The following ADGRA1 variants were observed in gnomAD, a reference collection of about 807,000 sequenced individuals.
ADGRA1 encodes adhesion G protein-coupled receptor A1, also known as G-protein coupled receptor 123.
A neutral mutation model predicts 21.3 loss-of-function variants in ADGRA1; 12 were observed. The ratio of observed to expected loss-of-function variants is 0.56; its 90% confidence interval spans 0.36 to 0.91. The LOEUF (loss-of-function observed/expected upper bound fraction) is 0.91, where lower values mean the gene tolerates loss of function less well. Among genes scored for constraint, ADGRA1 ranks in the 40% least tolerant of loss-of-function variants. The pLI is 0.01. For synonymous variants in ADGRA1, 385 were observed against 368.8 expected, an observed-to-expected ratio of 1.04 and a Z score of -0.50; for missense variants, 790 against 805.6, an observed-to-expected ratio of 0.98 and a Z score of 0.23.
At chr10:133,120,131 C>T (rs112315548) in intron 5 of ADGRA1, among the ~76,000 whole-genome samples, 2 of 152,286 alleles carry the variant, frequency 1.3e-5, no homozygotes, top group African/African-American at 4.8e-5. Context: ...AGGCCAAGCG[C>T]GGTGGCTCAT....
intron 2 of ADGRA1, among the ~76,000 whole-genome samples, chr10:133,094,375 G>C (rs746001835): frequency 6.6e-6 from 1 of 152,218 alleles, no homozygotes; most frequent in Non-Finnish European, 1.5e-5. Context: ...GGGACAGGAC[G>C]CGGCTCGCAG....
intron 2 of ADGRA1, among the ~76,000 whole-genome samples, chr10:133,094,346 C>A (rs1181354982): frequency 6.6e-6 from 1 of 152,232 alleles, no homozygotes; most frequent in African/African-American, 2.4e-5. Flanking sequence ...CTCCTTCTGG[C>A]CCTGAGGATG....
At chr10:133,124,893 C>T (rs1384518737) in intron 5 of ADGRA1, among the ~76,000 whole-genome samples, 14 of 152,336 alleles carry the variant, frequency 9.2e-5, no homozygotes, top group African/African-American at 2.9e-4. Context: ...TGCCCAGCGG[C>T]GGCGGCGAGA....
intron 5 of ADGRA1, among the ~76,000 whole-genome samples, chr10:133,110,173 G>A (rs1010810736): frequency 6.6e-6 from 1 of 152,220 alleles, no homozygotes; most frequent in Non-Finnish European, 1.5e-5. Flanking sequence ...GACGGCAGGT[G>A]GGGAGGATCC....
chr10:133,125,719 G>A (rs780685855), intron 5 of ADGRA1, among the ~76,000 whole-genome samples: 9 of 152,126 alleles, frequency 5.9e-5, no homozygotes, highest in African/African-American at 9.7e-5. Flanking sequence ...GTGAGCCACC[G>A]TGCCCTGCCT....
chr10:133,100,334 G>A (rs1208507685), intron 4 of ADGRA1, among the ~76,000 whole-genome samples: 3 of 152,272 alleles, frequency 2.0e-5, no homozygotes, highest in Non-Finnish European at 4.4e-5. Context: ...CGTCCCGCCT[G>A]TAAGTGCCTG....
rs78838896 is a variant in ADGRA1, at chr10:133,106,386, C to G, written c.401+3544C>G. On this transcript the variant is annotated intron_variant, in intron 5 of 6. Transcript: ENST00000392607. ...CACGCAGGCTCCAGCTCCTGGGAAC[C>G]CTTAGAGACCCTTTTCCAGGCCCAA... is the stretch of plus-strand genomic sequence containing the variant. Among the ~76,000 whole-genome samples the G allele has an allele frequency of 5.8e-4, 89 of 152,360 alleles. 1 individual carries two copies. The highest frequency in any genetic ancestry group is 1.8e-3 in the African/African-American group (76 of 41,578).
At chr10:133,106,209 A>AG (rs1009590091) in intron 5 of ADGRA1, among the ~76,000 whole-genome samples, 1 of 151,740 alleles carries the variant, frequency 6.6e-6, no homozygotes, top group African/African-American at 2.4e-5. Flanking sequence ...CTGGAGCCTG[A>AG]GGGGGGCGCT....
intron 5 of ADGRA1, among the ~76,000 whole-genome samples, chr10:133,123,034 G>C (rs531154689): frequency 6.6e-6 from 1 of 152,188 alleles, no homozygotes; most frequent in Non-Finnish European, 1.5e-5. Context: ...CGCTTCTGGC[G>C]AGACCACGGG....
At chr10:133,092,761 GGAA>G (rs1851617705) in intron 2 of ADGRA1, among the ~76,000 whole-genome samples, 3 of 135,240 alleles carry the variant, frequency 2.2e-5, no homozygotes, top group African/African-American at 8.6e-5. Context: ...GAGGAAGGAA[GGAA>G]GGAAGGAAGG....
chr10:133,093,321 C>T (rs1391516828), intron 2 of ADGRA1: 14 of 1,521,550 alleles, frequency 9.2e-6, no homozygotes, highest in African/African-American at 1.4e-5. Context: ...CATCTTTCCT[C>T]CTTTGTTTTT....
chr10:133,124,876 C>T (rs1219069521), intron 5 of ADGRA1, among the ~76,000 whole-genome samples: 3 of 152,222 alleles, frequency 2.0e-5, no homozygotes, highest in Non-Finnish European at 4.4e-5. Context: ...ACGTCCACGG[C>T]GGTGACTGCC....
At chr10:133,102,033 A>AT (rs968126201) in intron 4 of ADGRA1, among the ~76,000 whole-genome samples, 1 of 152,214 alleles carries the variant, frequency 6.6e-6, no homozygotes, top group Admixed American at 6.5e-5. Flanking sequence ...TTATAGCAGT[A>AT]TTTTACCTGT....
intron 6 of ADGRA1, among the ~76,000 whole-genome samples, chr10:133,127,677 C>T (rs1852402618): frequency 6.6e-6 from 1 of 152,090 alleles, no homozygotes; most frequent in Non-Finnish European, 1.5e-5. Context: ...GCCATCAGTG[C>T]CCAGAGCCAG....
Position 133,106,365 on chromosome 10 carries a change from C to T in ADGRA1, c.401+3523C>T, listed in dbSNP as rs560204222. Among the ~76,000 whole-genome samples, 4 of 152,368 alleles carry T rather than the reference C, an allele frequency of 2.6e-5. No homozygotes were observed. In the South Asian group the frequency reaches 6.2e-4, roughly 24 times the overall value. On this transcript the variant is annotated intron_variant, in intron 5 of 6. Coordinates refer to ENST00000392607, the MANE Select transcript of ADGRA1 (RefSeq NM_001083909.3). The stretch of plus-strand genomic sequence containing the variant: ...CCCTGCTGACCGAATGAGTCACACG[C>T]AGGCTCCAGCTCCTGGGAACCCTTA...
chr10:133,121,056 C>T (rs1852244430), intron 5 of ADGRA1, among the ~76,000 whole-genome samples: 1 of 152,206 alleles, frequency 6.6e-6, no homozygotes, highest in Non-Finnish European at 1.5e-5. Flanking sequence ...GACCAGATCA[C>T]ACGGGACATT....
At chr10:133,095,799 A>C in intron 2 of ADGRA1, 2 of 1,597,230 alleles carry the variant, frequency 1.3e-6, no homozygotes, top group South Asian at 1.1e-5. Context: ...GCCTCTGCCC[A>C]TGGCCCTTCC....
At chr10:133,093,158 G>A (rs763761100) in intron 2 of ADGRA1, 2 of 1,595,554 alleles carry the variant, frequency 1.3e-6, no homozygotes, top group African/African-American at 2.7e-5. Flanking sequence ...CTGCAGACCT[G>A]GCCCCGGACA....
intron 3 of ADGRA1, 95 bp downstream of exon 3, chr10:133,097,196 C>A: frequency 6.9e-7 from 1 of 1,447,808 alleles, no homozygotes; most frequent in Non-Finnish European, 9.5e-7. Flanking sequence ...ACTGCCCCCT[C>A]ATGTAGCAAG....
Sources: allele counts gnomAD v4.1 joint callset (sites outside exome capture counted in the v4.1 genomes callset), GRCh38; gene constraint gnomAD v4.1.1; transcripts MANE v1.5; gene names NCBI Gene and HGNC (gene_info 2026-07-23, HGNC 2026-07-21).